The following TCERG1L variants were observed in gnomAD, a reference collection of about 807,000 sequenced individuals.
TCERG1L encodes the protein transcription elongation regulator 1 like.
TCERG1L carries 37 observed loss-of-function variants against 56.3 expected under a neutral mutation model. That is an observed-to-expected ratio of 0.66 (90% CI 0.51 to 0.87). TCERG1L has a LOEUF of 0.87. Ranked by LOEUF, TCERG1L falls within the 40% of genes least tolerant of loss-of-function variation. TCERG1L has a pLI of 0.00. For missense variants in TCERG1L, 799 were observed against 774.2 expected (o/e 1.03, Z -0.38); for synonymous variants, 324 against 326.3 (o/e 0.99, Z 0.08).
At chr10:131,274,983 C>T (rs765006007) in intron 3 of TCERG1L, among the ~76,000 whole-genome samples, 8 of 152,122 alleles carry the variant, frequency 5.3e-5, no homozygotes, top group Non-Finnish European at 8.8e-5. Flanking sequence ...CTAGGCCCCA[C>T]ATTATATGAC....
intron 4 of TCERG1L, among the ~76,000 whole-genome samples, chr10:131,176,214 C>A (rs1201971377): frequency 6.6e-6 from 1 of 152,092 alleles, no homozygotes; most frequent in African/African-American, 2.4e-5. Flanking sequence ...ATCCGAGAGG[C>A]CAATGCTGCA....
chr10:131,264,985 T>C (rs552424195), intron 3 of TCERG1L, among the ~76,000 whole-genome samples: 1 of 152,300 alleles, frequency 6.6e-6, no homozygotes, highest in East Asian at 1.9e-4. Context: ...GTCCTCCGAC[T>C]TCAGACTCTT....
chr10:131,181,491 C>T (rs1381244031), intron 4 of TCERG1L, among the ~76,000 whole-genome samples: 1 of 152,246 alleles, frequency 6.6e-6, no homozygotes, highest in Non-Finnish European at 1.5e-5. Flanking sequence ...AAAGTAATAC[C>T]ATATGGAAGA....
In TCERG1L at chr10:131,118,073, C is replaced by T. The variant is rs868836931; in HGVS notation, c.1260-1139G>A. Among the ~76,000 whole-genome samples, 2 of 152,130 alleles carry T rather than the reference C, an allele frequency of 1.3e-5. No individual in the cohort carries two copies. The highest frequency in any genetic ancestry group is 4.8e-5 in the African/African-American group (2 of 41,438). ...ACCCTCACTCTGACCATGCTGAGCC[C>T]TCGTGGGCCTGCTCCCTGGCCTGGC... On this transcript the variant is annotated intron_variant, in intron 8 of 11. Transcript: ENST00000368642. This position sits in a 1 kb window ranked among gnomAD's most constrained non-coding sequence, Gnocchi z 4.2.
intron 4 of TCERG1L, among the ~76,000 whole-genome samples, chr10:131,244,461 G>T (rs895077672): frequency 1.3e-5 from 2 of 152,050 alleles, no homozygotes; most frequent in African/African-American, 4.8e-5. Context: ...AGGTGGGGAG[G>T]GGCCTCTCAG....
chr10:131,187,015 C>T (rs905117654), intron 4 of TCERG1L, among the ~76,000 whole-genome samples: 3 of 152,212 alleles, frequency 2.0e-5, no homozygotes, highest in African/African-American at 7.2e-5. Flanking sequence ...TGCCCTTCAT[C>T]CCACAGGAGC....
chr10:131,177,994 T>G (rs1845126122), intron 4 of TCERG1L, among the ~76,000 whole-genome samples: 1 of 152,074 alleles, frequency 6.6e-6, no homozygotes, highest in African/African-American at 2.4e-5. Flanking sequence ...TGTTGCCATT[T>G]TGATGGAAGC....
At chr10:131,297,417 TAAA>T (rs1041566608) in intron 3 of TCERG1L, among the ~76,000 whole-genome samples, 1 of 152,156 alleles carries the variant, frequency 6.6e-6, no homozygotes, top group African/African-American at 2.4e-5. Flanking sequence ...AAATAAAAAA[TAAA>T]AAACTCTCTT....
intron 4 of TCERG1L, among the ~76,000 whole-genome samples, chr10:131,247,410 G>C (rs971733255): frequency 1.3e-5 from 2 of 152,196 alleles, no homozygotes; most frequent in Middle Eastern, 6.8e-3. Flanking sequence ...TCACCTACCA[G>C]CCCCAGGCTG....
At chr10:131,162,323 CCATGG>C in intron 6 of TCERG1L, 1 of 152,406 alleles carries the variant, frequency 6.6e-6, no homozygotes, top group South Asian at 2.1e-4. Context: ...CCGACACTGA[CCATGG>C]CATAGAAGCC....
intron 8 of TCERG1L, among the ~76,000 whole-genome samples, chr10:131,124,563 G>T (rs193246564): frequency 6.6e-6 from 1 of 152,172 alleles, no homozygotes; most frequent in African/African-American, 2.4e-5. Flanking sequence ...AGTGTGCTAC[G>T]GTTTTGATAT....
chr10:131,202,725 T>G (rs1845455541), intron 4 of TCERG1L, among the ~76,000 whole-genome samples: 1 of 152,208 alleles, frequency 6.6e-6, no homozygotes, highest in Non-Finnish European at 1.5e-5. Context: ...TAGGCTTGCA[T>G]GGAATACACT....
At chr10:131,300,738 G>C (rs1846752727) in intron 3 of TCERG1L, among the ~76,000 whole-genome samples, 1 of 152,096 alleles carries the variant, frequency 6.6e-6, no homozygotes, top group South Asian at 2.1e-4. Flanking sequence ...CTTGTCAATA[G>C]TTTATCACTT....
intron 4 of TCERG1L, among the ~76,000 whole-genome samples, chr10:131,242,875 CG>C (rs1845988766): frequency 6.6e-6 from 1 of 151,892 alleles, no homozygotes; most frequent in Non-Finnish European, 1.5e-5. Flanking sequence ...CCTGTAAAAG[CG>C]AATATAATTA....
intron 4 of TCERG1L, among the ~76,000 whole-genome samples, chr10:131,176,957 T>TACACATAGACACATGC (rs1846165206): frequency 7.3e-5 from 3 of 41,030 alleles, no homozygotes; most frequent in African/African-American, 2.4e-4. Flanking sequence ...AAGACACGTG[T>TACACATAGACACATGC]ACACACAGAG....
chr10:131,209,203 A>G lies in TCERG1L; in HGVS notation c.857-42318T>C, dbSNP rs143620748. On this transcript the variant is annotated intron_variant, in intron 4 of 11. Coordinates refer to ENST00000368642, the MANE Select transcript of TCERG1L (RefSeq NM_174937.4). The stretch of plus-strand genomic sequence containing the variant: ...GTGTTCAGGCTTAGGTCCTAGCTCC[A>G]GGATACCTCAGTAAGTATCAGCAAG... Among the ~76,000 whole-genome samples the G allele has an allele frequency of 2.6e-3, 389 of 152,336 alleles. 2 individuals are homozygous for G. The highest frequency in any genetic ancestry group is 8.9e-3 in the African/African-American group (369 of 41,578).
chr10:131,094,644 C>G (rs1845222131), intron 11 of TCERG1L, among the ~76,000 whole-genome samples: 1 of 152,120 alleles, frequency 6.6e-6, no homozygotes, highest in South Asian at 2.1e-4. Context: ...CTCCCTCCCT[C>G]CTTCCTGCCC....
rs1302446102 is a variant in TCERG1L, at chr10:131,260,377, A to G, written c.738T>C (p.Ala246=). The change falls in exon 4 of 12, where the codon GCT becomes GCC. Residue 246 remains alanine, a synonymous_variant. Coordinates refer to ENST00000368642, the MANE Select transcript of TCERG1L (RefSeq NM_174937.4). This position sits in a 1 kb window ranked among gnomAD's most constrained non-coding sequence, Gnocchi z 5.8. ...TCTCAGGGTCCACGGAGACCATGGC[A>G]GCGGCGGCGGCGGTGGCGATGGCAA... ...PAIAIATAAA[A]AMVSVDPENL... The G allele has an allele frequency of 4.7e-6, 7 of 1,496,712 alleles. No individual in the cohort carries two copies. The highest frequency in any genetic ancestry group is 2.7e-5 in the East Asian group (1 of 36,646). The allele number at this position is 1,496,712 out of a possible 1,614,324, so 92.7% of individuals were successfully genotyped here. A position where few individuals can be genotyped will look rare whatever the true frequency, so the allele number is the denominator to read the frequency against.
chr10:131,169,081 C>T (rs1477587908), intron 4 of TCERG1L, among the ~76,000 whole-genome samples: 2 of 152,152 alleles, frequency 1.3e-5, no homozygotes, highest in Non-Finnish European at 2.9e-5. Flanking sequence ...ATTAAGATTT[C>T]CGGAACTCTG....
Sources: allele counts gnomAD v4.1 joint callset (sites outside exome capture counted in the v4.1 genomes callset), GRCh38; gene constraint gnomAD v4.1.1; non-coding constraint Gnocchi (gnomAD v3.1); transcripts MANE v1.5; gene names NCBI Gene and HGNC (gene_info 2026-07-23, HGNC 2026-07-21).